Variants in PCMTD1 observed in about 807,000 individuals in gnomAD.
PCMTD1 encodes the protein protein-L-isoaspartate (D-aspartate) O-methyltransferase domain containing 1, also known as protein-L-isoaspartate O-methyltransferase domain-containing protein 1.
Under a neutral mutation model 37.6 loss-of-function variants are expected in PCMTD1, and 12 were observed. That is an observed-to-expected ratio of 0.32 (90% CI 0.20 to 0.52). The LOEUF (loss-of-function observed/expected upper bound fraction) is 0.52. Among genes scored for constraint, PCMTD1 ranks in the 20% least tolerant of loss-of-function variants. PCMTD1 has a pLI of 0.97. For synonymous variants in PCMTD1, 117 were observed against 135.8 expected (o/e 0.86, Z 0.96); for missense variants, 235 against 421.3 (o/e 0.56, Z 3.87).
chr8:51,873,762 T>C (rs1476052363), intron 1 of PCMTD1, among the ~76,000 whole-genome samples: 5 of 152,110 alleles, frequency 3.3e-5, no homozygotes, highest in African/African-American at 1.2e-4. Flanking sequence ...CGAGTCACCT[T>C]CCAGCATGAG....
chr8:51,831,822 A>T (rs1317447286), intron 4 of PCMTD1, among the ~76,000 whole-genome samples: 2 of 152,236 alleles, frequency 1.3e-5, no homozygotes, highest in Non-Finnish European at 2.9e-5. Context: ...GCAATGTTAG[A>T]TCTGTGGTCT....
chr8:51,872,767 C>T (rs1008404781), intron 1 of PCMTD1, among the ~76,000 whole-genome samples: 1 of 152,160 alleles, frequency 6.6e-6, no homozygotes, highest in Non-Finnish European at 1.5e-5. Context: ...TATCTGTTCC[C>T]TTCCATGAAT....
chr8:51,845,992 T>C (rs559117430), intron 2 of PCMTD1, among the ~76,000 whole-genome samples: 14 of 152,238 alleles, frequency 9.2e-5, no homozygotes, highest in African/African-American at 2.6e-4. Flanking sequence ...CAAAAACTAC[T>C]ACCAGGGATA....
At chr8:51,862,081 T>C (rs997774893) in intron 1 of PCMTD1, among the ~76,000 whole-genome samples, 2 of 152,104 alleles carry the variant, frequency 1.3e-5, no homozygotes, top group Admixed American at 1.3e-4. Context: ...TAGTACAGTA[T>C]AGTATAGATT....
At chr8:51,823,300 C>CA (rs1362451066) in intron 5 of PCMTD1, among the ~76,000 whole-genome samples, 1 of 151,756 alleles carries the variant, frequency 6.6e-6, no homozygotes, top group Non-Finnish European at 1.5e-5. Context: ...CCTGTCTCTA[C>CA]AAAAAAGAGA....
intron 1 of PCMTD1, among the ~76,000 whole-genome samples, chr8:51,890,706 C>A (rs1342092983): frequency 6.6e-6 from 1 of 152,212 alleles, no homozygotes; most frequent in East Asian, 1.9e-4. Context: ...ACCTGTGGCT[C>A]CCATAACCAA....
At chr8:51,833,000 C>T (rs9643790) in intron 4 of PCMTD1, among the ~76,000 whole-genome samples, 104,471 of 152,074 alleles carry the variant, frequency 0.69, 42,364 homozygotes, top group Non-Finnish European at 0.9. Context: ...TGCATCACCA[C>T]GCCTGGATAA....
In PCMTD1 at chr8:51,817,977, T is replaced by A; in HGVS notation, c.*2374A>T. On this transcript the variant is annotated 3_prime_UTR_variant, in exon 6 of 6. Transcript: ENST00000522514. ...TGATACTTACTGTTTTAACTAGCTATAAAATTCCAATACTATATTCCCCAT... is the reference window on the plus strand; with the variant it reads ...TGATACTTACTGTTTTAACTAGCTAAAAAATTCCAATACTATATTCCCCAT... 2.2e-6 allele frequency: 1 copy of A among 456,588 alleles called. No individual in the cohort carries two copies. Among genetic ancestry groups the A allele is most frequent in the Non-Finnish European group, 4.4e-6 (1 of 226,912 alleles). The allele number at this position is 456,588 out of a possible 1,614,324, so 28.3% of individuals were successfully genotyped here. A position where few individuals can be genotyped will look rare whatever the true frequency, so the allele number is the denominator to read the frequency against.
chr8:51,839,688 G>A, intron 3 of PCMTD1: 1 of 910,980 alleles, frequency 1.1e-6, no homozygotes, highest in Non-Finnish European at 1.3e-6. Context: ...TTGAAGTGGG[G>A]CTGACAATTT....
At chr8:51,830,997 C>CAA (rs34381443) in intron 5 of PCMTD1, among the ~76,000 whole-genome samples, 199 of 147,036 alleles carry the variant, frequency 1.4e-3, no homozygotes, top group East Asian at 5.0e-3. Context: ...TTTATTTTAC[C>CAA]AAAAAAAAAA....
intron 5 of PCMTD1, among the ~76,000 whole-genome samples, chr8:51,827,690 A>G (rs1031598475): frequency 1.3e-5 from 2 of 152,138 alleles, no homozygotes; most frequent in African/African-American, 4.8e-5. Context: ...TAACTCCCAT[A>G]TATCTGGGCA....
At chr8:51,888,849 G>A (rs1245599165) in intron 1 of PCMTD1, among the ~76,000 whole-genome samples, 1 of 152,082 alleles carries the variant, frequency 6.6e-6, no homozygotes, top group Admixed American at 6.5e-5. Context: ...TAGTGGCTGA[G>A]GGTCATTATG....
chr8:51,898,585 G>A (rs538054286), intron 1 of PCMTD1, among the ~76,000 whole-genome samples: 3 of 152,126 alleles, frequency 2.0e-5, no homozygotes, highest in South Asian at 2.1e-4. Flanking sequence ...AGCCGAGGAC[G>A]AGCCGAGGAC....
chr8:51,821,057 A>T (rs1244748757), intron 5 of PCMTD1, among the ~76,000 whole-genome samples: 2 of 151,870 alleles, frequency 1.3e-5, no homozygotes, highest in East Asian at 3.9e-4. Flanking sequence ...TATCCTGTGT[A>T]TCTTTTATAC....
intron 1 of PCMTD1, among the ~76,000 whole-genome samples, chr8:51,871,939 A>C (rs2038645270): frequency 6.6e-6 from 1 of 152,200 alleles, no homozygotes; most frequent in Non-Finnish European, 1.5e-5. Flanking sequence ...ATTTTGATAC[A>C]TGGTGAGTTT....
chr8:51,885,755 G>A (rs572424725), intron 1 of PCMTD1, among the ~76,000 whole-genome samples: 1 of 152,282 alleles, frequency 6.6e-6, no homozygotes, highest in East Asian at 1.9e-4. Context: ...GTATTAAAAT[G>A]CAATACACTC....
At chr8:51,838,920 C>T (rs2038105650) in intron 3 of PCMTD1, among the ~76,000 whole-genome samples, 1 of 151,902 alleles carries the variant, frequency 6.6e-6, no homozygotes, top group African/African-American at 2.4e-5. Context: ...TAAATGAAAT[C>T]TGAGAAGGAA....
At chr8:51,889,865 CGT>C (rs3075018) in intron 1 of PCMTD1, among the ~76,000 whole-genome samples, 28,707 of 148,936 alleles carry the variant, frequency 0.19, 2,803 homozygotes, top group East Asian at 0.21. Context: ...TAAGGATATA[CGT>C]GTGTGTGTGT....
At chr8:51,832,005 C>A (rs2038004921) in intron 4 of PCMTD1, among the ~76,000 whole-genome samples, 1 of 152,184 alleles carries the variant, frequency 6.6e-6, no homozygotes, top group South Asian at 2.1e-4. Flanking sequence ...TCTAATTCGA[C>A]CCCCAACTTG....
Sources: allele counts gnomAD v4.1 joint callset (sites outside exome capture counted in the v4.1 genomes callset), GRCh38; gene constraint gnomAD v4.1.1; transcripts MANE v1.5; gene names NCBI Gene and HGNC (gene_info 2026-07-23, HGNC 2026-07-21).